RIMBP2: variants seen among roughly 807,000 people sequenced by gnomAD.
RIMBP2 encodes RIMS binding protein 2.
Under a neutral mutation model 118.6 loss-of-function variants are expected in RIMBP2, and 48 were observed. The observed-to-expected ratio is 0.40, with a 90% CI of 0.32 to 0.51. RIMBP2 has a LOEUF of 0.51. RIMBP2 is among the 20% of genes least tolerant of loss of function. RIMBP2 has a pLI of 0.41. For missense variants in RIMBP2, 1,551 were observed against 1,768.3 expected, an observed-to-expected ratio of 0.88 and a Z score of 2.20; for synonymous variants, 762 against 742.9, an observed-to-expected ratio of 1.03 and a Z score of -0.42.
intron 4 of RIMBP2, among the ~76,000 whole-genome samples, chr12:130,490,503 A>T (rs1420509047): frequency 6.6e-6 from 1 of 152,186 alleles, no homozygotes; most frequent in South Asian, 2.1e-4. Flanking sequence ...GCTGATAGCT[A>T]CTTTAATGAA....
At chr12:130,628,629 C>T (rs978842291) in intron 1 of RIMBP2, among the ~76,000 whole-genome samples, 173 bp from the exon 2 acceptor site, 1 of 152,204 alleles carries the variant, frequency 6.6e-6, no homozygotes, top group African/African-American at 2.4e-5. Context: ...TGAAACTGAA[C>T]TCATGGTCCT....
intron 1 of RIMBP2, among the ~76,000 whole-genome samples, chr12:130,701,877 C>A (rs1189762065): frequency 6.6e-6 from 1 of 152,140 alleles, no homozygotes; most frequent in Admixed American, 6.5e-5. Context: ...TCCCATAATG[C>A]TTCCTTCACC....
At chr12:130,626,280 C>T (rs2061616579) in intron 2 of RIMBP2, among the ~76,000 whole-genome samples, 1 of 152,198 alleles carries the variant, frequency 6.6e-6, no homozygotes, top group African/African-American at 2.4e-5. Flanking sequence ...GTCTACTGAA[C>T]ACATACTGGC....
At chr12:130,610,630 G>T (rs963622381) in intron 2 of RIMBP2, among the ~76,000 whole-genome samples, 1 of 128,112 alleles carries the variant, frequency 7.8e-6, no homozygotes, top group Non-Finnish European at 1.6e-5. Flanking sequence ...GCGCGATCTC[G>T]GCTCACTGCA....
In RIMBP2 at chr12:130,578,281, G is replaced by T. The variant is rs1355854865; in HGVS notation, c.-217+50041C>A. On this transcript the variant is annotated intron_variant, in intron 2 of 22. Coordinates refer to ENST00000690449, the MANE Select transcript of RIMBP2 (RefSeq NM_001393629.1). This position sits in a 1 kb window ranked among gnomAD's most constrained non-coding sequence, Gnocchi z 4.1. ...TGTTCTCTGCCTCTACTGGCCTCTG[G>T]TCTACCCAATGCCTTCTGCCCCGTT... 6.6e-6 allele frequency among the ~76,000 whole-genome samples: 1 copy of T among 152,154 alleles called. No homozygotes were observed. The highest frequency in any genetic ancestry group is 1.5e-5 in the Non-Finnish European group (1 of 68,040).
At chr12:130,458,304 G>T (rs2079634554) in intron 6 of RIMBP2, among the ~76,000 whole-genome samples, 1 of 152,208 alleles carries the variant, frequency 6.6e-6, no homozygotes, top group South Asian at 2.1e-4. Context: ...CAAGCCGGCT[G>T]TGTCTACCAA....
At chr12:130,512,810 C>G (rs1195592403) in intron 3 of RIMBP2, among the ~76,000 whole-genome samples, 1 of 152,166 alleles carries the variant, frequency 6.6e-6, no homozygotes, top group Non-Finnish European at 1.5e-5. Flanking sequence ...ACGATTCTTC[C>G]TTTGTCCTGA....
intron 2 of RIMBP2, among the ~76,000 whole-genome samples, chr12:130,552,646 C>T (rs1432398422): frequency 1.3e-5 from 2 of 152,180 alleles, no homozygotes; most frequent in Non-Finnish European, 2.9e-5. Flanking sequence ...AACAAATCAG[C>T]TTGTTCATTC....
chr12:130,493,084 C>T (rs866075509), intron 4 of RIMBP2, among the ~76,000 whole-genome samples: 6 of 152,034 alleles, frequency 3.9e-5, no homozygotes, highest in Admixed American at 3.3e-4. Context: ...CTGCAGTGAG[C>T]CTAGATAACG....
chr12:130,557,964 G>A (rs1466973819), intron 2 of RIMBP2, among the ~76,000 whole-genome samples: 1 of 152,076 alleles, frequency 6.6e-6, no homozygotes, highest in Non-Finnish European at 1.5e-5. Context: ...TGAAAAGTCG[G>A]GCGATAATAG....
At chr12:130,561,256 T>C (rs965214917) in intron 2 of RIMBP2, among the ~76,000 whole-genome samples, 21 of 152,342 alleles carry the variant, frequency 1.4e-4, no homozygotes, top group African/African-American at 4.6e-4. Flanking sequence ...TTCAGCCATG[T>C]GGTCTGTGGT....
At chr12:130,532,593 A>T (rs1386053687) in intron 2 of RIMBP2, among the ~76,000 whole-genome samples, 1 of 145,332 alleles carries the variant, frequency 6.9e-6, no homozygotes, top group Admixed American at 6.9e-5. Context: ...AGCCTCTAGG[A>T]GTTACGTCTA....
intron 2 of RIMBP2, among the ~76,000 whole-genome samples, chr12:130,540,388 A>T (rs1459758656): frequency 6.6e-6 from 1 of 152,094 alleles, no homozygotes; most frequent in Non-Finnish European, 1.5e-5. Flanking sequence ...TTTTGAAATC[A>T]CCCCAGTTGT....
intron 21 of RIMBP2, among the ~76,000 whole-genome samples, chr12:130,400,884 A>G (rs1220720311): frequency 6.6e-6 from 1 of 152,218 alleles, no homozygotes; most frequent in Non-Finnish European, 1.5e-5. Context: ...ACCATGTAGT[A>G]CCACCTCACA....
rs1310403902 is a variant in RIMBP2 at position 130,434,119 on chromosome 12, C to T, written c.2253+615G>A. Among the ~76,000 whole-genome samples the T allele has an allele frequency of 6.6e-6, 1 of 152,194 alleles. No homozygotes were observed. The highest frequency in any genetic ancestry group is 2.4e-5 in the African/African-American group (1 of 41,454). ...ATACTGTGTGATCTGATAACTGCAG[C>T]GTCTTCGAGCTCCCACTATTTAGCA... On this transcript the variant is annotated intron_variant, in intron 14 of 22. Coordinates refer to ENST00000690449, the MANE Select transcript of RIMBP2 (RefSeq NM_001393629.1). The surrounding 1 kb of genome is among the most constrained non-coding windows in gnomAD (Gnocchi z 5.7).
Position 130,447,743 on chromosome 12 carries a change from G to C in RIMBP2, c.581+2457C>G, listed in dbSNP as rs185834596. ...TGTGTCAGCCTCACCCTGGACCTCGGGTGGGAAGGACCCAGGAGCCCTCAG... is the reference window on the plus strand; with the variant it reads ...TGTGTCAGCCTCACCCTGGACCTCGCGTGGGAAGGACCCAGGAGCCCTCAG... On this transcript the variant is annotated intron_variant, in intron 9 of 22. Coordinates refer to ENST00000690449, the MANE Select transcript of RIMBP2 (RefSeq NM_001393629.1). This position sits in a 1 kb window ranked among gnomAD's most constrained non-coding sequence, Gnocchi z 4.4. Among the ~76,000 whole-genome samples the C allele has an allele frequency of 1.3e-3, 195 of 152,276 alleles. 1 individual carries two copies. The highest frequency in any genetic ancestry group is 4.5e-3 in the African/African-American group (186 of 41,556).
intron 1 of RIMBP2, among the ~76,000 whole-genome samples, chr12:130,687,851 T>G (rs7134450): frequency 2.6e-4 from 39 of 152,184 alleles, no homozygotes; most frequent in African/African-American, 8.9e-4. Context: ...GAGTGTGCTT[T>G]GGGCACGTGC....
intron 1 of RIMBP2, among the ~76,000 whole-genome samples, chr12:130,709,906 G>A (rs1232490049): frequency 2.0e-5 from 3 of 152,140 alleles, no homozygotes; most frequent in Non-Finnish European, 4.4e-5. Flanking sequence ...GCACTGGGCA[G>A]GAGGGAGGCA....
At chr12:130,440,484 C>G (rs1033036277) in intron 11 of RIMBP2, among the ~76,000 whole-genome samples, 1 of 152,192 alleles carries the variant, frequency 6.6e-6, no homozygotes. Context: ...AAGGGCCCCT[C>G]CTCTACCTGA....
Sources: gnomAD v4.1 joint callset for allele counts (sites outside exome capture counted in the v4.1 genomes callset) on GRCh38, gnomAD v4.1.1 for gene constraint, Gnocchi (gnomAD v3.1) non-coding constraint, MANE v1.5 for transcripts, NCBI Gene and HGNC (gene_info 2026-07-23, HGNC 2026-07-21) for gene names.